Variants in NR1H2 observed in about 807,000 individuals in gnomAD.
NR1H2 encodes nuclear receptor subfamily 1 group H member 2.
Under a neutral mutation model 51.2 loss-of-function variants are expected in NR1H2, and 33 were observed. The observed-to-expected ratio is 0.64, with a 90% CI of 0.49 to 0.86. The LOEUF (loss-of-function observed/expected upper bound fraction) is 0.86. Ranked by LOEUF, NR1H2 falls within the 40% of genes least tolerant of loss-of-function variation. NR1H2 has a pLI of 0.00. For synonymous variants in NR1H2, 310 were observed against 264.3 expected (o/e 1.17, Z -1.68); for missense variants, 592 against 639.9 (o/e 0.93, Z 0.81).
rs778785582 is a variant in NR1H2 at position 50,379,107 on chromosome 19, G to A, written c.853G>A (p.Ala285Thr). Reference sequence around the variant, plus strand: ...CTCAGTCCAGGAGATCGTGGACTTCGCTAAGCAAGTGCCTGGTTTCCTGCA... The same window carrying A: ...CTCAGTCCAGGAGATCGTGGACTTCACTAAGCAAGTGCCTGGTTTCCTGCA... ...IISVQEIVDFAKQVPGFLQLG... is the reference protein window; with the variant it reads ...IISVQEIVDFTKQVPGFLQLG... Residue 285 changes from alanine to threonine, a missense_variant, in exon 7 of 10, where the codon GCT becomes ACT. Ala to Thr is a moderately conservative substitution (Grantham distance 58). Coordinates refer to ENST00000253727, the MANE Select transcript of NR1H2 (RefSeq NM_007121.7). 1.1e-5 allele frequency: 18 copies of A among 1,613,928 alleles called. No homozygotes were observed. The highest frequency in any genetic ancestry group is 1.4e-5 in the Non-Finnish European group (17 of 1,180,028).
At chr19:50,377,896 T>C in intron 4 of NR1H2, 26 bp downstream of exon 4, 1 of 1,521,444 alleles carries the variant, frequency 6.6e-7, no homozygotes, top group Non-Finnish European at 8.8e-7. Context: ...GGAGTTGATG[T>C]GGGGGCTTGG....
At chr19:50,381,007 T>C (rs758346988) in intron 8 of NR1H2, among the ~76,000 whole-genome samples, 6 of 152,072 alleles carry the variant, frequency 3.9e-5, no homozygotes, top group Non-Finnish European at 7.4e-5. Flanking sequence ...GCTAGAGTCC[T>C]CTCTGTGGCC....
chr19:50,378,614 G>GGCA lies in NR1H2; in HGVS notation c.574_576dup (p.Ser193dup). On this transcript the variant is annotated inframe_insertion, in exon 6 of 10. Coordinates refer to ENST00000253727, the MANE Select transcript of NR1H2 (RefSeq NM_007121.7). ...GTCGCAGTCACCTGTGGGGCCGCAGGGCAGCAGCAGCTCAGCCTCTGGGCC... is the reference window on the plus strand; with the variant it reads ...GTCGCAGTCACCTGTGGGGCCGCAGGGCAGCAGCAGCAGCTCAGCCTCTGGGCC... 6.2e-7 allele frequency: 1 copy of GGCA among 1,614,056 alleles called. No homozygotes were observed. The highest frequency in any genetic ancestry group is 8.5e-7 in the Non-Finnish European group (1 of 1,179,988).
In NR1H2 at chr19:50,383,054, GGACCT is replaced by G. The variant is rs796347155; in HGVS notation, c.*453_*457del. On this transcript the variant is annotated 3_prime_UTR_variant, in exon 10 of 10. Transcript: ENST00000253727. Reference sequence around the variant, plus strand: ...AGATGGAGAGGGCGCGGGCTTCTAGGGACCTCAGTGACACTGGGTGCCCGAACCTG... The same window carrying G: ...AGATGGAGAGGGCGCGGGCTTCTAGGCAGTGACACTGGGTGCCCGAACCTG... The G allele has an allele frequency of 9.8e-5, 15 of 153,434 alleles. No homozygotes were observed. The highest frequency in any genetic ancestry group is 3.6e-4 in the African/African-American group (15 of 41,586). 9.5% of individuals were successfully genotyped at this position (153,434 alleles called of 1,614,324 possible). A position where few individuals can be genotyped will look rare whatever the true frequency, so the allele number is the denominator to read the frequency against.
chr19:50,382,419 A>G (rs779204466), intron 9 of NR1H2, 37 bp from the exon 10 acceptor site: 17 of 1,554,160 alleles, frequency 1.1e-5, no homozygotes, highest in Admixed American at 3.8e-5. Flanking sequence ...CTGGCAGGGC[A>G]GGGGCTCAGC....
intron 8 of NR1H2, among the ~76,000 whole-genome samples, chr19:50,381,288 A>G (rs912470301): frequency 6.6e-6 from 1 of 152,066 alleles, no homozygotes; most frequent in African/African-American, 2.4e-5. Context: ...CACCCTCACA[A>G]TCCCTCATCT....
chr19:50,380,691 C>T (rs1332921704), intron 8 of NR1H2, among the ~76,000 whole-genome samples: 2 of 152,036 alleles, frequency 1.3e-5, no homozygotes, highest in Admixed American at 6.5e-5. Context: ...AGGAGATTGG[C>T]GATTGCAGAG....
At chr19:50,381,870 T>C in intron 8 of NR1H2, 96 bp from the exon 9 acceptor site, 1 of 1,067,530 alleles carries the variant, frequency 9.4e-7, no homozygotes, top group African/African-American at 1.6e-5. Context: ...ATTACTGCTG[T>C]GTTCCCAGCC....
Position 50,379,803 on chromosome 19 carries a change from G to A in NR1H2, c.951G>A (p.Arg317=). 6.2e-7 allele frequency: 1 copy of A among 1,613,954 alleles called. No homozygotes were observed. Residue 317 remains arginine, a synonymous_variant, in exon 8 of 10, where the codon AGG becomes AGA. Coordinates refer to ENST00000253727, the MANE Select transcript of NR1H2 (RefSeq NM_007121.7). The stretch of plus-strand genomic sequence containing the variant: ...AGATCATGCTGCTAGAGACAGCCAG[G>A]CGCTACAACCACGAGACAGAGTGTA... ...TIEIMLLETA[R]RYNHETECIT...
chr19:50,378,465 C>G, intron 5 of NR1H2, 26 bp downstream of exon 5: 1 of 1,574,888 alleles, frequency 6.3e-7, no homozygotes, highest in Non-Finnish European at 8.6e-7. Context: ...GGGGGCGGTG[C>G]CGGCCTGGCC....
intron 9 of NR1H2, 55 bp from the exon 10 acceptor site, chr19:50,382,401 C>T: frequency 2.6e-6 from 4 of 1,537,664 alleles, no homozygotes; most frequent in East Asian, 2.4e-5. Context: ...GGGTGGGCCT[C>T]CCAAAGCCTG....
At chr19:50,382,252 A>G in intron 9 of NR1H2, 78 bp downstream of exon 9, 1 of 1,394,718 alleles carries the variant, frequency 7.2e-7, no homozygotes, top group Non-Finnish European at 9.5e-7. Context: ...GGGTTCTGCC[A>G]GCCACACTGC....
chr19:50,379,190 C>A lies in NR1H2; in HGVS notation c.927+9C>A. 6.2e-7 allele frequency: 1 copy of A among 1,605,046 alleles called. No individual in the cohort carries two copies. Among genetic ancestry groups the A allele is most frequent in the South Asian group, 1.1e-5 (1 of 89,830 alleles). On this transcript the variant is annotated intron_variant, in intron 7 of 9. Coordinates refer to ENST00000253727, the MANE Select transcript of NR1H2 (RefSeq NM_007121.7). ...AGGCATCCACTATCGAGGTAATGGT[C>A]CATCTGCCCACAAGGAACCCCAGAG...
intron 8 of NR1H2, among the ~76,000 whole-genome samples, chr19:50,381,480 C>T (rs1377655752): frequency 6.6e-6 from 1 of 152,198 alleles, no homozygotes; most frequent in Non-Finnish European, 1.5e-5. Flanking sequence ...TGACCGGTCC[C>T]CTAGGCTCTC....
At position 50,378,344 on chromosome 19, in the gene NR1H2, G is replaced by C. The variant is rs758378065; in HGVS notation, c.377G>C (p.Arg126Pro). Residue 126 changes from arginine to proline, a missense_variant, in exon 5 of 10, where the codon CGG (arginine) becomes CCG (proline). Physicochemically the swap from Arg to Pro is moderately radical, Grantham distance 103 (BLOSUM62 -2). Transcript: ENST00000253727. ...GGTGGGGCCAGGCGCTATGCCTGCCGGGGTGGCGGAACCTGCCAGATGGAC... is the reference window on the plus strand; with the variant it reads ...GGTGGGGCCAGGCGCTATGCCTGCCCGGGTGGCGGAACCTGCCAGATGGAC... ...VRGGARRYAC[R>P]GGGTCQMDAF... 2 of 1,612,212 alleles carry C rather than the reference G, an allele frequency of 1.2e-6. No homozygotes were observed. Among genetic ancestry groups the C allele is most frequent in the Non-Finnish European group, 1.7e-6 (2 of 1,179,442 alleles).
intron 4 of NR1H2, 37 bp from the exon 5 acceptor site, chr19:50,378,112 T>C (rs1327243741): frequency 6.3e-7 from 1 of 1,577,738 alleles, no homozygotes; most frequent in East Asian, 2.3e-5. Flanking sequence ...CTGTTTCTCC[T>C]TGTGGCTTTC....
intron 7 of NR1H2, 123 bp downstream of exon 7, chr19:50,379,304 T>C (rs1420854088): frequency 9.2e-7 from 1 of 1,092,710 alleles, no homozygotes; most frequent in East Asian, 2.5e-5. Flanking sequence ...TAGAGTCTTC[T>C]ATGAGCCAAG....
rs1568592724 is a variant in NR1H2, at chr19:50,376,469, C to G, written c.-235C>G. ...CCCTCTTCCGGACGTGACGCAAGGG[C>G]GGGGTTGCCGGAAGAAGTGGCGAAG... is the stretch of plus-strand genomic sequence containing the variant. On this transcript the variant is annotated 5_prime_UTR_variant, in exon 1 of 10. Transcript: ENST00000253727. 6.6e-6 allele frequency: 1 copy of G among 152,296 alleles called. No individual in the cohort carries two copies. Among genetic ancestry groups the G allele is most frequent in the East Asian group, 1.9e-4 (1 of 5,200 alleles). 9.4% of individuals were successfully genotyped at this position (152,296 alleles called of 1,614,324 possible). A position where few individuals can be genotyped will look rare whatever the true frequency, so the allele number is the denominator to read the frequency against.
chr19:50,377,571 C>G lies in NR1H2; in HGVS notation c.-19-16C>G, dbSNP rs935058507. The G allele has an allele frequency of 3.7e-6, 6 of 1,604,310 alleles. No individual in the cohort carries two copies. The highest frequency in any genetic ancestry group is 5.1e-6 in the Non-Finnish European group (6 of 1,172,212). On this transcript the variant is annotated splice_polypyrimidine_tract_variant and intron_variant, in intron 2 of 9. Transcript: ENST00000253727. ...TTCTTAGCCCCACAAGGCTCTCAAT[C>G]CCCTGTATTCTACAGGCTGCTCCGT...
Sources: gnomAD v4.1 joint callset for allele counts (sites outside exome capture counted in the v4.1 genomes callset) on GRCh38, gnomAD v4.1.1 for gene constraint, MANE v1.5 for transcripts, NCBI Gene and HGNC (gene_info 2026-07-23, HGNC 2026-07-21) for gene names.